Variants in SEMA3D observed in about 807,000 individuals in gnomAD.
SEMA3D encodes the protein semaphorin 3D.
Under a neutral mutation model 100.1 loss-of-function variants are expected in SEMA3D, and 84 were observed. The ratio of observed to expected loss-of-function variants is 0.84; its 90% confidence interval spans 0.70 to 1.01. SEMA3D has a LOEUF of 1.01. SEMA3D is among the 50% of genes least tolerant of loss of function. The pLI is 0.00. For synonymous variants in SEMA3D, 312 were observed against 320.7 expected (o/e 0.97, Z 0.29); for missense variants, 875 against 934.1 (o/e 0.94, Z 0.82).
rs1250965338 is a variant in SEMA3D, at chr7:85,073,035, G to A, written c.422C>T (p.Thr141Ile). ...FIRVLQPYNK[T>I]HIYVCGTGAF... ...TCCAGTTCCACACACATATATGTGAGTTTTGTTATAGGGCTGAAGTACTCT... is the reference window on the plus strand; with the variant it reads ...TCCAGTTCCACACACATATATGTGAATTTTGTTATAGGGCTGAAGTACTCT... The change falls in exon 6 of 19, where the codon ACT becomes ATT. Residue 141 changes from threonine to isoleucine, a missense_variant. Transcript: ENST00000284136. 6.2e-7 allele frequency: 1 copy of A among 1,612,186 alleles called. No homozygotes were observed. The highest frequency in any genetic ancestry group is 1.3e-5 in the African/African-American group (1 of 74,866).
the SEMA3D span, among the ~76,000 whole-genome samples, chr7:85,202,306 G>T: frequency 1.3e-5 from 2 of 149,212 alleles, no homozygotes; most frequent in South Asian, 2.1e-4. Context: ...AGAATATGAG[G>T]TGTTTGGTTT....
At chr7:85,180,105 C>T (rs1273210808) in intron 1 of SEMA3D, among the ~76,000 whole-genome samples, 1 of 152,142 alleles carries the variant, frequency 6.6e-6, no homozygotes, top group Non-Finnish European at 1.5e-5. Context: ...TGTGTCCCCA[C>T]CTAAATCTTA....
intron 1 of SEMA3D, among the ~76,000 whole-genome samples, chr7:85,171,608 C>A (rs115506232): frequency 6.6e-6 from 1 of 151,846 alleles, no homozygotes; most frequent in Non-Finnish European, 1.5e-5. Flanking sequence ...GTTTGATAGG[C>A]AGGTCCCTTG....
At chr7:85,242,683 T>C in the SEMA3D span, among the ~76,000 whole-genome samples, 1 of 152,178 alleles carries the variant, frequency 6.6e-6, no homozygotes, top group Non-Finnish European at 1.5e-5. Flanking sequence ...CTTATGGCTA[T>C]ACCAGTTTTT....
At chr7:85,106,726 C>T (rs964820043) in intron 3 of SEMA3D, among the ~76,000 whole-genome samples, 24 of 152,002 alleles carry the variant, frequency 1.6e-4, no homozygotes, top group African/African-American at 5.3e-4. Flanking sequence ...CTCACAGTTC[C>T]GTATGGCTGG....
At chr7:85,109,708 G>T (rs1278946239) in intron 3 of SEMA3D, among the ~76,000 whole-genome samples, 1 of 151,756 alleles carries the variant, frequency 6.6e-6, no homozygotes, top group Non-Finnish European at 1.5e-5. Context: ...GTTTAAAAAA[G>T]ACCTAAGGAC....
At chr7:85,109,762 A>G (rs1789039959) in intron 3 of SEMA3D, among the ~76,000 whole-genome samples, 1 of 151,988 alleles carries the variant, frequency 6.6e-6, no homozygotes, top group Non-Finnish European at 1.5e-5. Context: ...ATACACATGT[A>G]CGGAAAAATC....
rs527744408 is a variant in SEMA3D at position 85,082,927 on chromosome 7, G to C, written c.313-1348C>G. Among the ~76,000 whole-genome samples, 3 of 152,260 alleles carry C rather than the reference G, an allele frequency of 2.0e-5. No individual in the cohort carries two copies. The East Asian group carries it at 5.8e-4, about 29-fold the overall frequency. ...TAACCTTGATAAGGTACACAATGCC[G>C]ACTAGAAAATGCTATTTATTCAGAA... On this transcript the variant is annotated intron_variant, in intron 4 of 18. Coordinates refer to ENST00000284136, the MANE Select transcript of SEMA3D (RefSeq NM_001384900.1).
At chr7:85,200,191 A>ATG in the SEMA3D span, among the ~76,000 whole-genome samples, 1 of 152,228 alleles carries the variant, frequency 6.6e-6, no homozygotes, top group African/African-American at 2.4e-5. Flanking sequence ...ATACTAAAAA[A>ATG]TGTGGGAGTG....
At chr7:85,195,443 T>C in the SEMA3D span, among the ~76,000 whole-genome samples, 1 of 151,860 alleles carries the variant, frequency 6.6e-6, no homozygotes, top group South Asian at 2.1e-4. Context: ...CTTTTTTTCT[T>C]TTTTTTTGAG....
At chr7:85,249,666 G>A in the SEMA3D span, among the ~76,000 whole-genome samples, 1 of 152,104 alleles carries the variant, frequency 6.6e-6, no homozygotes, top group Non-Finnish European at 1.5e-5. Flanking sequence ...TCATATTAGT[G>A]AACACGTGTT....
intron 7 of SEMA3D, among the ~76,000 whole-genome samples, chr7:85,066,913 C>CATACACACACACACACAGAGAG: frequency 7.8e-6 from 1 of 127,760 alleles, no homozygotes; most frequent in African/African-American, 3.2e-5. Flanking sequence ...CACACACACA[C>CATACACACACACACACAGAGAG]AGAGAGAGAG....
the SEMA3D span, among the ~76,000 whole-genome samples, chr7:85,200,143 G>C: frequency 9.6e-3 from 1,459 of 152,286 alleles, 24 homozygotes; most frequent in African/African-American, 0.033. Context: ...GATTAACACA[G>C]TAAGTTGCTA....
chr7:85,102,924 T>A (rs781352884), intron 3 of SEMA3D, among the ~76,000 whole-genome samples: 9 of 152,092 alleles, frequency 5.9e-5, no homozygotes, highest in Admixed American at 2.6e-4. Flanking sequence ...AAACAGTGAC[T>A]AACCTGGGGT....
the SEMA3D span, among the ~76,000 whole-genome samples, chr7:85,192,615 A>G: frequency 6.6e-6 from 1 of 152,168 alleles, no homozygotes; most frequent in Admixed American, 6.5e-5. Context: ...GGCACACAGT[A>G]ACATAGAATC....
intron 1 of SEMA3D, among the ~76,000 whole-genome samples, chr7:85,180,213 A>G (rs1188328685): frequency 6.6e-6 from 1 of 152,154 alleles, no homozygotes; most frequent in Non-Finnish European, 1.5e-5. Flanking sequence ...TGCTGTTCTT[A>G]TGATAGTGAG....
intron 2 of SEMA3D, among the ~76,000 whole-genome samples, chr7:85,125,402 A>T (rs1583947624): frequency 6.6e-6 from 1 of 152,070 alleles, no homozygotes; most frequent in East Asian, 1.9e-4. Flanking sequence ...ATCGTAAGTT[A>T]AGAAGATTGA....
At chr7:85,145,901 A>G (rs1276568845) in intron 2 of SEMA3D, among the ~76,000 whole-genome samples, 1 of 152,162 alleles carries the variant, frequency 6.6e-6, no homozygotes. Flanking sequence ...ACTTTAAATC[A>G]TATCCAGATT....
intron 2 of SEMA3D, chr7:85,142,974 C>A (rs1310477778): frequency 2.0e-5 from 20 of 984,682 alleles, no homozygotes; most frequent in Non-Finnish European, 2.4e-5. Context: ...AAGAGCAATT[C>A]TACCTTAGAC....
Sources: gnomAD v4.1 joint callset for allele counts (sites outside exome capture counted in the v4.1 genomes callset) on GRCh38, gnomAD v4.1.1 for gene constraint, MANE v1.5 for transcripts, NCBI Gene and HGNC (gene_info 2026-07-23, HGNC 2026-07-21) for gene names.